Variants in TMEM50B observed in about 807,000 individuals in gnomAD.
The protein encoded by TMEM50B is HCV p7-trans-regulated protein 3.
In TMEM50B, 14 loss-of-function variants were observed where a neutral mutation model predicts 23.4. That is an observed-to-expected ratio of 0.60 (90% CI 0.39 to 0.93). The LOEUF is 0.93. TMEM50B is among the 40% of genes least tolerant of loss of function. The pLI is 0.00. For missense variants in TMEM50B, 159 were observed against 193.0 expected (o/e 0.82, Z 1.04); for synonymous variants, 64 against 62.3 (o/e 1.03, Z -0.13).
In TMEM50B at chr21:33,450,527, CAAGATGATG is replaced by C; in HGVS notation, c.*282_*290del. 3.7e-6 allele frequency: 1 copy of C among 269,156 alleles called. No individual in the cohort carries two copies. The highest frequency in any genetic ancestry group is 6.6e-5 in the East Asian group (1 of 15,114). The allele number at this position is 269,156 out of a possible 1,614,324, so 16.7% of individuals were successfully genotyped here. A position where few individuals can be genotyped will look rare whatever the true frequency, so the allele number is the denominator to read the frequency against. On this transcript the variant is annotated 3_prime_UTR_variant, in exon 7 of 7. Transcript: ENST00000542230. ...ACAAGAGTGGTTACTTCTAAAATGA[CAAGATGATG>C]TAACCCTGGCTCAGGGAGTAGATCA...
intron 1 of TMEM50B, among the ~76,000 whole-genome samples, chr21:33,470,486 C>T (rs906927647): frequency 6.7e-6 from 1 of 148,690 alleles, no homozygotes; most frequent in Non-Finnish European, 1.5e-5. Context: ...AATCCCAGCA[C>T]TTTGGGAGGC....
chr21:33,446,344 C>T (rs993528929), downstream of TMEM50B, among the ~76,000 whole-genome samples: 4 of 150,874 alleles, frequency 2.7e-5, no homozygotes, highest in Non-Finnish European at 5.9e-5. Context: ...TCAAGCAATT[C>T]TCCTGCCTCA....
chr21:33,469,312 G>A (rs1251381835), intron 1 of TMEM50B, among the ~76,000 whole-genome samples: 2 of 152,114 alleles, frequency 1.3e-5, no homozygotes, highest in East Asian at 1.9e-4. Context: ...TTAACTGGGC[G>A]TGGTGGCACA....
intron 4 of TMEM50B, 85 bp downstream of exon 4, chr21:33,465,256 TG>T: frequency 1.1e-6 from 1 of 923,402 alleles, no homozygotes; most frequent in Non-Finnish European, 1.7e-6. Context: ...TTACCAGTCT[TG>T]AATAAAGACT....
downstream of TMEM50B, among the ~76,000 whole-genome samples, chr21:33,445,506 T>G (rs1271320496): frequency 6.6e-6 from 1 of 152,252 alleles, no homozygotes. Context: ...CCTTCAAAAG[T>G]CATCATAAGA....
In TMEM50B at chr21:33,468,917, A is replaced by G. The variant is rs749907538; in HGVS notation, c.-32T>C. ...TTCTTAAGCATAAATTTTTCATTAA[A>G]TGCTGTATCCTACAAACAGAAAGAC... On this transcript the variant is annotated 5_prime_UTR_variant, in exon 2 of 7. Coordinates refer to ENST00000542230, the MANE Select transcript of TMEM50B (RefSeq NM_006134.7). 1.3e-6 allele frequency: 2 copies of G among 1,539,912 alleles called. No homozygotes were observed. The highest frequency in any genetic ancestry group is 1.8e-6 in the Non-Finnish European group (2 of 1,115,526).
At chr21:33,458,899 T>TAA in intron 5 of TMEM50B, among the ~76,000 whole-genome samples, 1 of 152,234 alleles carries the variant, frequency 6.6e-6, no homozygotes, top group Non-Finnish European at 1.5e-5. Flanking sequence ...TGTCCTCTTG[T>TAA]AATCTGACTT....
At chr21:33,438,310 A>T (rs1285474947) in intron 8 of TMEM50B, among the ~76,000 whole-genome samples, 1 of 152,150 alleles carries the variant, frequency 6.6e-6, no homozygotes, top group Non-Finnish European at 1.5e-5. Context: ...TAAAAGTTAT[A>T]AGGGGGATTT....
chr21:33,468,948 C>A, intron 1 of TMEM50B, 22 bp from the exon 2 acceptor site: 3 of 1,240,748 alleles, frequency 2.4e-6, no homozygotes, highest in Non-Finnish European at 3.5e-6. Context: ...AAGACAAAAA[C>A]TAATCAACCT....
intron 6 of TMEM50B, among the ~76,000 whole-genome samples, chr21:33,455,032 G>A (rs76001230): frequency 2.0e-5 from 3 of 152,208 alleles, no homozygotes; most frequent in South Asian, 2.1e-4. Context: ...CATGGGAATC[G>A]CCTGAGTCCC....
intron 5 of TMEM50B, 128 bp downstream of exon 5, chr21:33,460,285 C>G: frequency 1.4e-6 from 1 of 694,358 alleles, no homozygotes; most frequent in Middle Eastern, 3.0e-4. Flanking sequence ...ACTCATGTAT[C>G]TTCACACAGA....
downstream of TMEM50B, among the ~76,000 whole-genome samples, chr21:33,448,074 C>T (rs926690266): frequency 6.6e-6 from 1 of 151,912 alleles, no homozygotes; most frequent in Non-Finnish European, 1.5e-5. Flanking sequence ...CTCACTGCAA[C>T]CTCTGCCTCC....
intron 8 of TMEM50B, among the ~76,000 whole-genome samples, chr21:33,433,876 G>C (rs1171493773): frequency 6.6e-6 from 1 of 152,052 alleles, no homozygotes; most frequent in East Asian, 1.9e-4. Context: ...GAGGCAGCAG[G>C]TCTCCTCTGC....
At chr21:33,476,339 CGCCAT>C (rs1275628999) in intron 1 of TMEM50B, among the ~76,000 whole-genome samples, 1 of 152,050 alleles carries the variant, frequency 6.6e-6, no homozygotes, top group East Asian at 1.9e-4. Context: ...GCCAAGATCA[CGCCAT>C]TGCACTCCAG....
intron 1 of TMEM50B, among the ~76,000 whole-genome samples, chr21:33,472,069 C>T (rs1480322149): frequency 2.7e-5 from 4 of 147,184 alleles, no homozygotes; most frequent in Non-Finnish European, 6.0e-5. Flanking sequence ...TCTAGAACTG[C>T]AAATTACAAT....
chr21:33,446,335 C>T (rs962033648), downstream of TMEM50B, among the ~76,000 whole-genome samples: 6 of 150,994 alleles, frequency 4.0e-5, no homozygotes, highest in Non-Finnish European at 8.8e-5. Context: ...CTCCTGGGCT[C>T]AAGCAATTCT....
At chr21:33,452,858 T>C (rs983040834) in intron 6 of TMEM50B, among the ~76,000 whole-genome samples, 1 of 151,978 alleles carries the variant, frequency 6.6e-6, no homozygotes, top group Admixed American at 6.6e-5. Flanking sequence ...ACACAGACAA[T>C]TGGACAAGGA....
intron 5 of TMEM50B, among the ~76,000 whole-genome samples, chr21:33,456,608 T>C (rs1317906986): frequency 1.3e-5 from 2 of 152,188 alleles, no homozygotes; most frequent in African/African-American, 4.8e-5. Flanking sequence ...CTTGATATCA[T>C]AGCAAACAAT....
chr21:33,456,692 G>A (rs954502131), intron 5 of TMEM50B, among the ~76,000 whole-genome samples: 5 of 152,094 alleles, frequency 3.3e-5, no homozygotes, highest in Non-Finnish European at 7.4e-5. Flanking sequence ...ATGACTAACT[G>A]TATGACCTTG....
Sources: gnomAD v4.1 joint callset for allele counts (sites outside exome capture counted in the v4.1 genomes callset) on GRCh38, gnomAD v4.1.1 for gene constraint, MANE v1.5 for transcripts, NCBI Gene and HGNC (gene_info 2026-07-23, HGNC 2026-07-21) for gene names.